The following CHRNA10 variants were observed in gnomAD, a reference collection of about 807,000 sequenced individuals.
CHRNA10 encodes cholinergic receptor nicotinic alpha 10 subunit, also known as neuronal acetylcholine receptor subunit alpha-10.
Under a neutral mutation model 36.0 loss-of-function variants are expected in CHRNA10, and 31 were observed. That is an observed-to-expected ratio of 0.86 (90% confidence interval 0.65 to 1.16). CHRNA10 has a LOEUF of 1.16. Among genes scored for constraint, CHRNA10 ranks in the 50% most tolerant of loss-of-function variants. CHRNA10 has a pLI of 0.00. For synonymous variants in CHRNA10, 302 were observed against 287.0 expected (o/e 1.05, Z -0.53); for missense variants, 648 against 640.9 (o/e 1.01, Z -0.12).
chr11:3,671,282 C>T lies in CHRNA10; in HGVS notation c.31G>A (p.Gly11Ser). 6.2e-7 allele frequency: 1 copy of T among 1,614,104 alleles called. No homozygotes were observed. The highest frequency in any genetic ancestry group is 1.1e-5 in the South Asian group (1 of 91,080). Residue 11 changes from glycine (G) to serine (S), a missense_variant, in exon 1 of 5, where the codon GGC becomes AGC. Transcript: ENST00000250699. ...GGGAGTAGAAACAGAAGCAGAAGGC[C>T]CAGGCTGAGGTGGTGGCTCCGGAGC... The part of the protein sequence containing the change: MGLRSHHLSL[G>S]LLLLFLLPAE...
At position 3,665,791 on chromosome 11, in the gene CHRNA10, C is replaced by T. The variant is rs1319197885; in HGVS notation, c.*316G>A. 5 of 266,348 alleles carry T rather than the reference C, an allele frequency of 1.9e-5. No individual in the cohort carries two copies. Among genetic ancestry groups the T allele is most frequent in the African/African-American group, 4.4e-5 (2 of 45,448 alleles). The allele number at this position is 266,348 out of a possible 1,614,324, so 16.5% of individuals were successfully genotyped here. A position where few individuals can be genotyped will look rare whatever the true frequency, so the allele number is the denominator to read the frequency against. ...AGTACAGTTCAGTTTCTCATTATAACCCATGTGCTCCCCACTGAGAGCTCC... is the reference window on the plus strand; with the variant it reads ...AGTACAGTTCAGTTTCTCATTATAATCCATGTGCTCCCCACTGAGAGCTCC... On this transcript the variant is annotated 3_prime_UTR_variant, in exon 5 of 5. Transcript: ENST00000250699.
At position 3,667,235 on chromosome 11, in the gene CHRNA10, T is replaced by TGAGC. The variant is rs1305857245; in HGVS notation, c.888_891dup (p.Ile298AlafsTer41). The TGAGC allele has an allele frequency of 6.3e-7, 1 of 1,579,628 alleles. No homozygotes were observed. Among genetic ancestry groups the TGAGC allele is most frequent in the Non-Finnish European group, 8.5e-7 (1 of 1,171,044 alleles). ...CCCCCGCGCCCCCGCTGCTCACCGA[T>TGAGC]GAGCGGCACGCTCTCGGCCGGTGGC... On this transcript the variant is annotated frameshift_variant, in exon 4 of 5. Coordinates refer to ENST00000250699, the MANE Select transcript of CHRNA10 (RefSeq NM_020402.4). LOFTEE classifies it high-confidence loss of function.
At position 3,670,052 on chromosome 11, in the gene CHRNA10, G is replaced by A. The variant is rs1051401395; in HGVS notation, c.62-111C>T. On this transcript the variant is annotated intron_variant, in intron 1 of 4. Transcript: ENST00000250699. ...CTGTCCTTATGAGTGTCCTCCTGGT[G>A]TCTGCCTTCTCTTGCTCTAGCTGTG... 4 of 1,202,194 alleles carry A rather than the reference G, an allele frequency of 3.3e-6. No homozygotes were observed. The South Asian group carries it at 4.1e-5, about 12-fold the overall frequency. The allele number at this position is 1,202,194 out of a possible 1,614,324, so 74.5% of individuals were successfully genotyped here.
chr11:3,669,987 A>G, intron 1 of CHRNA10, 46 bp from the exon 2 acceptor site: 1 of 1,610,886 alleles, frequency 6.2e-7, no homozygotes, highest in Non-Finnish European at 8.5e-7. Context: ...CCCTAGTCCC[A>G]GGGCCTCTGC....
At chr11:3,668,167 AGAAATACTTTT>A (rs1229537882) in intron 3 of CHRNA10, among the ~76,000 whole-genome samples, 1 of 152,160 alleles carries the variant, frequency 6.6e-6, no homozygotes, top group African/African-American at 2.4e-5. Context: ...GCCTTCAGAG[AGAAATACTTTT>A]GAACTAAGGC....
In CHRNA10 at chr11:3,667,328, T is replaced by C. The variant is rs1327000358; in HGVS notation, c.799A>G (p.Lys267Glu). ...AGCACGGTGACGCCCAGCGACACCT[T>C]CTCGCCTGAGTCGGCAGGCAGGTGG... The part of the protein sequence containing the change: ...AFHLPADSGE[K>E]VSLGVTVLLA... The change falls in exon 4 of 5, where the codon AAG becomes GAG. Residue 267 changes from lysine to glutamate, a missense_variant. Transcript: ENST00000250699. 1 of 1,599,924 alleles carries C rather than the reference T, an allele frequency of 6.3e-7. No individual in the cohort carries two copies. The highest frequency in any genetic ancestry group is 2.2e-5 in the East Asian group (1 of 44,766).
In CHRNA10 at chr11:3,670,275, T is replaced by C. The variant is rs150582505; in HGVS notation, c.62-334A>G. Among the ~76,000 whole-genome samples, 258 of 152,270 alleles carry C rather than the reference T, an allele frequency of 1.7e-3. 2 individuals carry two copies. The highest frequency in any genetic ancestry group is 5.8e-3 in the African/African-American group (242 of 41,558). On this transcript the variant is annotated intron_variant, in intron 1 of 4. Coordinates refer to ENST00000250699, the MANE Select transcript of CHRNA10 (RefSeq NM_020402.4). ...AAGAGTCCAGACTTTCACCCAGGGA[T>C]TCTAAACCCCACTGCTCTGCCCCCT... is the stretch of plus-strand genomic sequence containing the variant.
Position 3,666,614 on chromosome 11 carries a change from C to A in CHRNA10, c.896-50G>T, listed in dbSNP as rs770787038. On this transcript the variant is annotated intron_variant, in intron 4 of 4. Coordinates refer to ENST00000250699, the MANE Select transcript of CHRNA10 (RefSeq NM_020402.4). ...TGACTCAAAACAAAAGCCTGTGGTTCCTGAGCTTCCCAGCCACCTCTGCAC... is the reference window on the plus strand; with the variant it reads ...TGACTCAAAACAAAAGCCTGTGGTTACTGAGCTTCCCAGCCACCTCTGCAC... 4.3e-6 allele frequency: 6 copies of A among 1,393,606 alleles called. No individual in the cohort carries two copies. In the Admixed American group the frequency reaches 1.2e-4, roughly 29 times the overall value. 86.3% of individuals were successfully genotyped at this position (1,393,606 alleles called of 1,614,324 possible). A position where few individuals can be genotyped will look rare whatever the true frequency, so the allele number is the denominator to read the frequency against.
chr11:3,667,169 C>T (rs1308061591), intron 4 of CHRNA10, 63 bp downstream of exon 4: 9 of 1,466,716 alleles, frequency 6.1e-6, no homozygotes, highest in East Asian at 5.0e-5. Flanking sequence ...CAGGCCCTGT[C>T]GCGGCCCCGC....
At chr11:3,668,973 A>C in intron 3 of CHRNA10, 1 of 520,300 alleles carries the variant, frequency 1.9e-6, no homozygotes, top group Non-Finnish European at 3.4e-6. Flanking sequence ...ACCACACAGT[A>C]GGTTCCGAGG....
At chr11:3,668,956 G>T in intron 3 of CHRNA10, 1 of 485,224 alleles carries the variant, frequency 2.1e-6, no homozygotes. Context: ...TCAGACAACT[G>T]CCCTGGACCA....
rs2133971654 is a variant in CHRNA10, at chr11:3,666,233, G to A, written c.1227C>T (p.His409=). ...CCTCATGGCAGCGCTGGGCAGCTCGGTGGCTGCGGAAGGTATTGGCAATGG... is the reference window on the plus strand; with the variant it reads ...CCTCATGGCAGCGCTGGGCAGCTCGATGGCTGCGGAAGGTATTGGCAATGG... The part of the protein sequence containing the change: ...VATIANTFRS[H]RAAQRCHEDW... Residue 409 remains histidine (H), a synonymous_variant, in exon 5 of 5, where the codon CAC becomes CAT. Coordinates refer to ENST00000250699, the MANE Select transcript of CHRNA10 (RefSeq NM_020402.4). 1 of 1,614,146 alleles carries A rather than the reference G, an allele frequency of 6.2e-7. No individual in the cohort carries two copies. The highest frequency in any genetic ancestry group is 1.7e-5 in the Admixed American group (1 of 60,028).
At chr11:3,669,986 C>G in intron 1 of CHRNA10, 45 bp from the exon 2 acceptor site, 1 of 1,608,150 alleles carries the variant, frequency 6.2e-7, no homozygotes, top group Non-Finnish European at 8.5e-7. Context: ...GCCCTAGTCC[C>G]AGGGCCTCTG....
chr11:3,667,820 G>C, intron 3 of CHRNA10, 56 bp from the exon 4 acceptor site: 1 of 1,390,966 alleles, frequency 7.2e-7, no homozygotes, highest in Non-Finnish European at 9.3e-7. Flanking sequence ...GAGCAGCCCC[G>C]GAGGCCGGGA....
intron 1 of CHRNA10, 89 bp from the exon 2 acceptor site, chr11:3,670,030 T>A (rs1288806806): frequency 7.1e-7 from 1 of 1,402,180 alleles, no homozygotes; most frequent in African/African-American, 1.4e-5. Flanking sequence ...TGGGGCCCTG[T>A]CCTTATGAGT....
At chr11:3,666,852 T>G (rs1416475374) in intron 4 of CHRNA10, among the ~76,000 whole-genome samples, 1 of 152,164 alleles carries the variant, frequency 6.6e-6, no homozygotes, top group Non-Finnish European at 1.5e-5. Context: ...GGGCATGAGC[T>G]GGGGCAAGAT....
chr11:3,669,042 G>C, intron 3 of CHRNA10, 154 bp downstream of exon 3: 1 of 775,444 alleles, frequency 1.3e-6, no homozygotes, highest in Non-Finnish European at 2.0e-6. Flanking sequence ...TGGAGGGGCT[G>C]AGTGCCTGGC....
At position 3,669,802 on chromosome 11, in the gene CHRNA10, G is replaced by T; in HGVS notation, c.201C>A (p.Ile67=). ...VTLEVTLSQI[I]DMDERNQVLT... is the part of the protein sequence containing the mutation. ...TACCACCACCACAACGCACCATGTC[G>T]ATGATCTGGGACAGTGTCACCTCCA... Residue 67 remains isoleucine, a synonymous_variant, in exon 2 of 5, where the codon ATC becomes ATA. Coordinates refer to ENST00000250699, the MANE Select transcript of CHRNA10 (RefSeq NM_020402.4). 6.2e-7 allele frequency: 1 copy of T among 1,614,170 alleles called. No individual in the cohort carries two copies. Among genetic ancestry groups the T allele is most frequent in the Non-Finnish European group, 8.5e-7 (1 of 1,180,024 alleles).
rs1192192190 is a variant in CHRNA10 at position 3,666,083 on chromosome 11, A to G, written c.*24T>C. 4 of 1,511,340 alleles carry G rather than the reference A, an allele frequency of 2.6e-6. No homozygotes were observed. The African/African-American group carries it at 5.6e-5, about 21-fold the overall frequency. The allele number at this position is 1,511,340 out of a possible 1,614,324, so 93.6% of individuals were successfully genotyped here. ...TCTGGAGGAGCTGTGGCTGCAGCAG[A>G]TCCCTGTGACTTAGTCCCAGCCCTC... On this transcript the variant is annotated 3_prime_UTR_variant, in exon 5 of 5. Coordinates refer to ENST00000250699, the MANE Select transcript of CHRNA10 (RefSeq NM_020402.4).
Sources: gnomAD v4.1 joint callset for allele counts (sites outside exome capture counted in the v4.1 genomes callset) on GRCh38, gnomAD v4.1.1 for gene constraint, MANE v1.5 for transcripts, NCBI Gene and HGNC (gene_info 2026-07-23, HGNC 2026-07-21) for gene names.